The following YWHAZ variants were observed in gnomAD, a reference collection of about 807,000 sequenced individuals.
YWHAZ encodes tyrosine 3-monooxygenase/tryptophan 5-monooxygenase activation protein zeta.
For synonymous variants in YWHAZ, 87 were observed against 103.6 expected (o/e 0.84, Z 0.97); for missense variants, 79 against 284.8 (o/e 0.28, Z 5.20).
intron 2 of YWHAZ, among the ~76,000 whole-genome samples, chr8:100,935,463 A>C (rs1005910422): frequency 6.6e-6 from 1 of 152,238 alleles, no homozygotes; most frequent in African/African-American, 2.4e-5. Context: ...TCAGGTTGAC[A>C]CTACATTCAA....
At chr8:100,951,442 G>A (rs1041250217) in intron 1 of YWHAZ, 1 of 982,914 alleles carries the variant, frequency 1.0e-6, no homozygotes, top group Non-Finnish European at 1.2e-6. Flanking sequence ...GGAGAGGGGA[G>A]GGGGCGGCCT....
intron 1 of YWHAZ, among the ~76,000 whole-genome samples, 154 bp from the exon 2 acceptor site, chr8:100,949,054 G>A (rs1004991265): frequency 2.0e-5 from 3 of 152,088 alleles, no homozygotes; most frequent in Admixed American, 2.0e-4. Flanking sequence ...CTCACAAAAG[G>A]ATAGTCAAAA....
At position 100,926,507 on chromosome 8, in the gene YWHAZ, T is replaced by C. The variant is rs140446587; in HGVS notation, c.295-1468A>G. Among the ~76,000 whole-genome samples, 451 of 152,248 alleles carry C rather than the reference T, an allele frequency of 3.0e-3. 1 individual carries two copies. The highest frequency in any genetic ancestry group is 9.7e-3 in the African/African-American group (401 of 41,542). On this transcript the variant is annotated intron_variant, in intron 2 of 5. Transcript: ENST00000395958. ...TTAGCCAGGCGTGGTGACGGGCGCCTGTAATCCCAGCTGAGGCAGGAGAAC... is the reference window on the plus strand; with the variant it reads ...TTAGCCAGGCGTGGTGACGGGCGCCCGTAATCCCAGCTGAGGCAGGAGAAC...
chr8:100,950,605 TC>T (rs1282994697), intron 1 of YWHAZ: 4 of 965,192 alleles, frequency 4.1e-6, no homozygotes, highest in Admixed American at 7.2e-5. Context: ...TGTTAATTCC[TC>T]CCCCCGACCG....
At position 100,918,443 on chromosome 8, in the gene YWHAZ, T is replaced by TATATATATATATATAA. The variant is rs1417316114; in HGVS notation, c.*2249_*2250insTTATATATATATATAT. 2 of 117,058 alleles carry TATATATATATATATAA rather than the reference T, an allele frequency of 1.7e-5. No individual in the cohort carries two copies. The highest frequency in any genetic ancestry group is 3.4e-5 in the African/African-American group (1 of 29,668). The allele number at this position is 117,058 out of a possible 1,614,324, so 7.3% of individuals were successfully genotyped here. A position where few individuals can be genotyped will look rare whatever the true frequency, so the allele number is the denominator to read the frequency against. On this transcript the variant is annotated 3_prime_UTR_variant, in exon 6 of 6. Coordinates refer to ENST00000395958, the MANE Select transcript of YWHAZ (RefSeq NM_145690.3). The stretch of plus-strand genomic sequence containing the variant: ...ATATATATATATATATATATATATA[T>TATATATATATATATAA]AATTATTTTACCTCCTTGGCTTGGG...
At chr8:100,944,072 T>C (rs1043909091) in intron 2 of YWHAZ, among the ~76,000 whole-genome samples, 1 of 151,966 alleles carries the variant, frequency 6.6e-6, no homozygotes, top group Non-Finnish European at 1.5e-5. Flanking sequence ...GGATTATTTA[T>C]ACTTTGAAAC....
At chr8:100,952,896 C>T (rs1449617831), upstream of YWHAZ, 6 of 1,000,158 alleles carry the variant, frequency 6.0e-6, no homozygotes, top group Non-Finnish European at 6.0e-6. Context: ...GGCTCGGAAA[C>T]GGGAGTGAGG....
At chr8:100,940,639 T>C (rs1438883731) in intron 2 of YWHAZ, among the ~76,000 whole-genome samples, 1 of 152,224 alleles carries the variant, frequency 6.6e-6, no homozygotes, top group African/African-American at 2.4e-5. Context: ...AATAAAGTGA[T>C]ATCACAGAGG....
In YWHAZ at chr8:100,922,925, C is replaced by A. The variant is rs1642210253; in HGVS notation, c.678+1030G>T. The A allele has an allele frequency of 6.6e-6, 1 of 152,150 alleles. No homozygotes were observed. The highest frequency in any genetic ancestry group is 2.1e-4 in the South Asian group (1 of 4,834). The allele number at this position is 152,150 out of a possible 1,614,324, so 9.4% of individuals were successfully genotyped here. A position where few individuals can be genotyped will look rare whatever the true frequency, so the allele number is the denominator to read the frequency against. ...ATATATAAGATTCTTTCATTCTTTA[C>A]TGTGGCTTGTTATCTTGACTCAAGT... On this transcript the variant is annotated intron_variant, in intron 5 of 5. Transcript: ENST00000395958. This position sits in a 1 kb window ranked among gnomAD's most constrained non-coding sequence, Gnocchi z 4.1.
rs138959851 is a variant in YWHAZ, at chr8:100,930,262, C to A, written c.295-5223G>T. ...TGCAGGCACATGCCATCACACCCAG[C>A]TAATTTTTGTATTTTTAGTAGAGAC... On this transcript the variant is annotated intron_variant, in intron 2 of 5. Transcript: ENST00000395958. Among the ~76,000 whole-genome samples the A allele has an allele frequency of 4.4e-3, 669 of 152,288 alleles. 4 individuals are homozygous for A. Among genetic ancestry groups the A allele is most frequent in the African/African-American group, 0.015 (627 of 41,548 alleles).
At chr8:100,951,440 G>T (rs1001103239) in intron 1 of YWHAZ, 5 of 982,484 alleles carry the variant, frequency 5.1e-6, no homozygotes, top group Admixed American at 6.2e-5. Flanking sequence ...AGGGAGAGGG[G>T]AGGGGGCGGC....
At chr8:100,947,050 G>T (rs1810339057) in intron 2 of YWHAZ, among the ~76,000 whole-genome samples, 1 of 151,214 alleles carries the variant, frequency 6.6e-6, no homozygotes, top group South Asian at 2.1e-4. Flanking sequence ...TCAGGAGATC[G>T]AGACCATCCT....
chr8:100,948,265 T>C lies in YWHAZ; in HGVS notation c.294+331A>G, dbSNP rs1398327923. On this transcript the variant is annotated intron_variant, in intron 2 of 5. Coordinates refer to ENST00000395958, the MANE Select transcript of YWHAZ (RefSeq NM_145690.3). This position sits in a 1 kb window ranked among gnomAD's most constrained non-coding sequence, Gnocchi z 4.2. ...TTTATCCACAGATGTACATTTAAGA[T>C]AACCAGCTATAGAGCTACTACAAAT... The C allele has an allele frequency of 3.5e-5, 29 of 820,394 alleles. No individual in the cohort carries two copies. The South Asian group carries it at 4.5e-4, about 13-fold the overall frequency. The allele number at this position is 820,394 out of a possible 1,614,324, so 50.8% of individuals were successfully genotyped here.
At chr8:100,940,066 A>AAG (rs1554615946) in intron 2 of YWHAZ, among the ~76,000 whole-genome samples, 1 of 147,862 alleles carries the variant, frequency 6.8e-6, no homozygotes, top group Non-Finnish European at 1.5e-5. Context: ...CCGTCTCAAA[A>AAG]AAAAAAAAAA....
In YWHAZ at chr8:100,922,330, C is replaced by T. The variant is rs1471151655; in HGVS notation, c.679-1578G>A. On this transcript the variant is annotated intron_variant, in intron 5 of 5. Transcript: ENST00000395958. The surrounding 1 kb of genome is among the most constrained non-coding windows in gnomAD (Gnocchi z 4.1). ...ATGGTGACAGCTGACACTAATAAGG[C>T]TCAGAGAAGACATACAAGTAGTGAC... 6.6e-6 allele frequency: 1 copy of T among 151,932 alleles called. No individual in the cohort carries two copies. The highest frequency in any genetic ancestry group is 1.5e-5 in the Non-Finnish European group (1 of 67,986). 9.4% of individuals were successfully genotyped at this position (151,932 alleles called of 1,614,324 possible). A position where few individuals can be genotyped will look rare whatever the true frequency, so the allele number is the denominator to read the frequency against.
chr8:100,940,263 T>C (rs566545440), intron 2 of YWHAZ, among the ~76,000 whole-genome samples: 1 of 152,150 alleles, frequency 6.6e-6, no homozygotes. Context: ...TCCCTCACGA[T>C]GCTTTTTGTT....
At chr8:100,947,984 G>A in intron 2 of YWHAZ, 1 of 907,714 alleles carries the variant, frequency 1.1e-6, no homozygotes, top group Non-Finnish European at 1.6e-6. Flanking sequence ...AACACAGTAA[G>A]TACTGAATAC....
intron 2 of YWHAZ, among the ~76,000 whole-genome samples, chr8:100,946,052 C>A (rs1810239836): frequency 6.6e-6 from 1 of 152,084 alleles, no homozygotes; most frequent in African/African-American, 2.4e-5. Flanking sequence ...AGTGTAAATA[C>A]CATTAAAACT....
intron 1 of YWHAZ, chr8:100,951,355 G>A (rs1347559436): frequency 1.0e-6 from 1 of 984,554 alleles, no homozygotes; most frequent in Non-Finnish European, 1.2e-6. Flanking sequence ...CCCGGGGTGG[G>A]GGAGGGCCGG....
Sources: gnomAD v4.1 joint callset for allele counts (sites outside exome capture counted in the v4.1 genomes callset) on GRCh38, gnomAD v4.1.1 for gene constraint, Gnocchi (gnomAD v3.1) non-coding constraint, MANE v1.5 for transcripts, NCBI Gene and HGNC (gene_info 2026-07-23, HGNC 2026-07-21) for gene names.